The following MAP2K6 variants were observed in gnomAD, a reference collection of about 807,000 sequenced individuals.
MAP2K6 encodes the protein mitogen-activated protein kinase kinase 6.
A neutral mutation model predicts 53.7 loss-of-function variants in MAP2K6; 16 were observed. That is an observed-to-expected ratio of 0.30 (90% CI 0.20 to 0.45). MAP2K6 has a LOEUF of 0.45. Ranked by LOEUF, MAP2K6 falls within the 20% of genes least tolerant of loss-of-function variation. MAP2K6 has a pLI of 1.00. For missense variants in MAP2K6, 204 were observed against 411.9 expected (o/e 0.50, Z 4.37); for synonymous variants, 132 against 143.1 (o/e 0.92, Z 0.55).
intron 10 of MAP2K6, among the ~76,000 whole-genome samples, chr17:69,535,485 G>A (rs1015918798): frequency 6.6e-6 from 1 of 152,116 alleles, no homozygotes; most frequent in Non-Finnish European, 1.5e-5. Context: ...CAACTACTCA[G>A]GAGGCTGAGG....
intron 4 of MAP2K6, among the ~76,000 whole-genome samples, 193 bp from the exon 5 acceptor site, chr17:69,519,120 T>C (rs759863078): frequency 1.3e-5 from 2 of 152,220 alleles, no homozygotes; most frequent in Non-Finnish European, 1.5e-5. Flanking sequence ...ACCAGGACTA[T>C]TCAGGAAATC....
chr17:69,505,964 A>G, intron 2 of MAP2K6, 118 bp downstream of exon 2: 2 of 780,544 alleles, frequency 2.6e-6, no homozygotes, highest in Non-Finnish European at 4.2e-6. Context: ...TTAAGGGGGA[A>G]GCCATTTGCT....
chr17:69,457,302 T>C (rs1174265017), intron 1 of MAP2K6, among the ~76,000 whole-genome samples: 1 of 152,208 alleles, frequency 6.6e-6, no homozygotes, highest in Non-Finnish European at 1.5e-5. Flanking sequence ...TTTCCCTGTC[T>C]TATCTGATGC....
chr17:69,516,516 T>C (rs560277772), intron 2 of MAP2K6, among the ~76,000 whole-genome samples: 9 of 152,338 alleles, frequency 5.9e-5, no homozygotes, highest in Admixed American at 5.9e-4. Context: ...TAATAGCACA[T>C]GTATAGCTCA....
intron 1 of MAP2K6, among the ~76,000 whole-genome samples, chr17:69,458,728 AAAG>A (rs771713901): frequency 7.2e-5 from 11 of 152,218 alleles, no homozygotes; most frequent in Non-Finnish European, 1.3e-4. Context: ...TCAGGAAAGA[AAAG>A]AAGAAGTTTT....
intron 1 of MAP2K6, among the ~76,000 whole-genome samples, chr17:69,451,829 T>C (rs902936315): frequency 6.6e-6 from 1 of 152,122 alleles, no homozygotes; most frequent in African/African-American, 2.4e-5. Flanking sequence ...CTGAGGGCAG[T>C]TCCTGGAGAA....
At chr17:69,453,618 G>A (rs1907304568) in intron 1 of MAP2K6, among the ~76,000 whole-genome samples, 1 of 152,176 alleles carries the variant, frequency 6.6e-6, no homozygotes, top group Admixed American at 6.6e-5. Flanking sequence ...TATTTGAATT[G>A]CTTATTGATT....
In MAP2K6 at chr17:69,552,473, T is replaced by C. The variant is rs1912140424; in HGVS notation, c.*10720T>C. 6.6e-6 allele frequency: 1 copy of C among 152,242 alleles called. No homozygotes were observed. The highest frequency in any genetic ancestry group is 1.5e-5 in the Non-Finnish European group (1 of 68,046). The allele number at this position is 152,242 out of a possible 1,614,324, so 9.4% of individuals were successfully genotyped here. ...ATCTCTTCTTTACGGATTGCCGCAT[T>C]GTCTCTTTGTGAATGAGGCAGGCTG... On this transcript the variant is annotated 3_prime_UTR_variant, in exon 12 of 12. Coordinates refer to ENST00000590474, the MANE Select transcript of MAP2K6 (RefSeq NM_002758.4).
chr17:69,428,314 CT>C (rs1277052036), intron 1 of MAP2K6, among the ~76,000 whole-genome samples: 1 of 152,228 alleles, frequency 6.6e-6, no homozygotes, highest in African/African-American at 2.4e-5. Context: ...TTTTGTGCTT[CT>C]TCCCTGGCTT....
At chr17:69,489,220 C>CA (rs58968517) in intron 1 of MAP2K6, among the ~76,000 whole-genome samples, 10,648 of 61,824 alleles carry the variant, frequency 0.17, 624 homozygotes, top group Middle Eastern at 0.26. Context: ...AACTCTGTCT[C>CA]AAAAAAAAAA....
intron 1 of MAP2K6, among the ~76,000 whole-genome samples, chr17:69,465,747 A>G (rs140332686): frequency 0.014 from 2,095 of 151,622 alleles, 22 homozygotes; most frequent in Non-Finnish European, 0.02. Flanking sequence ...AGCCTCCCAA[A>G]TAGCTGGGAT....
intron 1 of MAP2K6, among the ~76,000 whole-genome samples, chr17:69,469,254 C>A (rs796457121): frequency 1.3e-5 from 2 of 152,214 alleles, no homozygotes; most frequent in East Asian, 1.9e-4. Flanking sequence ...TCTAACCAAC[C>A]CCTCTACCTT....
rs78280717 is a variant in MAP2K6, at chr17:69,416,596, A to G, written c.16+1596A>G. 5.7e-3 allele frequency among the ~76,000 whole-genome samples: 874 copies of G among 152,320 alleles called. 10 individuals are homozygous for G. Among genetic ancestry groups the G allele is most frequent in the African/African-American group, 0.02 (821 of 41,580 alleles). ...TGTATATACATATGTATGTGTGTAT[A>G]TATATGCATGTATATGTATGTATTG... On this transcript the variant is annotated intron_variant, in intron 1 of 11. Transcript: ENST00000590474.
rs1285464460 is a variant in MAP2K6 at position 69,455,882 on chromosome 17, CAG to C, written c.16+40885_16+40886del. ...TTTTTTTTTTTTTTTTTTTTTAAGA[CAG>C]AGTTTTGCTCTCGTTGCCCAGGCTG... On this transcript the variant is annotated intron_variant, in intron 1 of 11. Transcript: ENST00000590474. Among the ~76,000 whole-genome samples the C allele has an allele frequency of 1.3e-4, 14 of 106,518 alleles. No individual in the cohort carries two copies. The East Asian group carries it at 4.3e-3, about 32-fold the overall frequency. The allele number at this position is 106,518 out of a possible 152,430, so 69.9% of individuals were successfully genotyped here.
rs950926499 is a variant in MAP2K6 at position 69,552,570 on chromosome 17, C to T, written c.*10817C>T. 1 of 152,132 alleles carries T rather than the reference C, an allele frequency of 6.6e-6. No homozygotes were observed. Among genetic ancestry groups the T allele is most frequent in the Non-Finnish European group, 1.5e-5 (1 of 68,024 alleles). The allele number at this position is 152,132 out of a possible 1,614,324, so 9.4% of individuals were successfully genotyped here. On this transcript the variant is annotated 3_prime_UTR_variant, in exon 12 of 12. Coordinates refer to ENST00000590474, the MANE Select transcript of MAP2K6 (RefSeq NM_002758.4). ...GTAAAGCATGTGGGTGGAATGTTTC[C>T]ATGCTCTTGAGGTGAATATTAAATT...
intron 1 of MAP2K6, among the ~76,000 whole-genome samples, chr17:69,428,497 A>G (rs1906343391): frequency 6.6e-6 from 1 of 152,206 alleles, no homozygotes; most frequent in Non-Finnish European, 1.5e-5. Flanking sequence ...GTATGACATC[A>G]TCTGTCATCA....
At chr17:69,500,374 G>A (rs1835332886) in intron 1 of MAP2K6, among the ~76,000 whole-genome samples, 1 of 149,236 alleles carries the variant, frequency 6.7e-6, no homozygotes, top group Non-Finnish European at 1.5e-5. Flanking sequence ...CTTGAACGTG[G>A]GAAGCAGAGG....
intron 11 of MAP2K6, among the ~76,000 whole-genome samples, chr17:69,537,208 G>C (rs1267312627): frequency 1.3e-5 from 2 of 152,186 alleles, no homozygotes; most frequent in Non-Finnish European, 2.9e-5. Flanking sequence ...CTTTATCTAA[G>C]TATATGTTGA....
chr17:69,517,567 T>C lies in MAP2K6; in HGVS notation c.200T>C (p.Val67Ala). Residue 67 changes from valine to alanine, a missense_variant, in exon 4 of 12, where the codon GTG becomes GCG. Physicochemically the swap from Val to Ala is moderately conservative, Grantham distance 64. Around this residue, in one of 3 missense-constraint regions of MAP2K6, gnomAD observed 129 missense variants for 247.1 expected, o/e 0.52. Coordinates refer to ENST00000590474, the MANE Select transcript of MAP2K6 (RefSeq NM_002758.4). ...CTGGGACGAGGTGCGTACGGGGTGG[T>C]GGAGAAGATGCGGCACGTGCCCAGC... ...MELGRGAYGV[V>A]EKMRHVPSGQ... The C allele has an allele frequency of 1.2e-6, 2 of 1,609,954 alleles. No homozygotes were observed. The highest frequency in any genetic ancestry group is 1.7e-5 in the Admixed American group (1 of 59,752).
Sources: gnomAD v4.1 joint callset for allele counts (sites outside exome capture counted in the v4.1 genomes callset) on GRCh38, gnomAD v4.1.1 for gene constraint, gnomAD v4.1.1 regional missense constraint, MANE v1.5 for transcripts, NCBI Gene and HGNC (gene_info 2026-07-23, HGNC 2026-07-21) for gene names.